SGCZ: variants seen among roughly 807,000 people sequenced by gnomAD.
SGCZ encodes zeta-sarcoglycan.
Under a neutral mutation model 41.3 loss-of-function variants are expected in SGCZ, and 40 were observed. The observed-to-expected ratio is 0.97, with a 90% confidence interval of 0.75 to 1.26. The LOEUF (loss-of-function observed/expected upper bound fraction) is 1.26, where lower values mean the gene tolerates loss of function less well. Among genes scored for constraint, SGCZ ranks in the 50% most tolerant of loss-of-function variants. SGCZ has a pLI of 0.00. For missense variants in SGCZ, 552 were observed against 369.8 expected, an observed-to-expected ratio of 1.49 and a Z score of -4.04; for synonymous variants, 206 against 137.5, an observed-to-expected ratio of 1.50 and a Z score of -3.49.
At chr8:15,071,130 A>G (rs958950492) in intron 1 of SGCZ, among the ~76,000 whole-genome samples, 1 of 152,194 alleles carries the variant, frequency 6.6e-6, no homozygotes, top group Non-Finnish European at 1.5e-5. Context: ...ATAATAACTT[A>G]AAGTTCCCTA....
intron 1 of SGCZ, among the ~76,000 whole-genome samples, chr8:14,969,758 A>C (rs1801232632): frequency 6.6e-6 from 1 of 152,026 alleles, no homozygotes; most frequent in Non-Finnish European, 1.5e-5. Flanking sequence ...CCATTGTATG[A>C]TGCAACACTT....
At chr8:14,356,412 T>C (rs17119179) in intron 2 of SGCZ, among the ~76,000 whole-genome samples, 3,984 of 152,096 alleles carry the variant, frequency 0.026, 142 homozygotes, top group African/African-American at 0.09. Context: ...AGAGAAAAAC[T>C]ACAGAGAAAA....
At chr8:14,972,916 A>G (rs1236418651) in intron 1 of SGCZ, among the ~76,000 whole-genome samples, 1 of 152,212 alleles carries the variant, frequency 6.6e-6, no homozygotes, top group Non-Finnish European at 1.5e-5. Flanking sequence ...ATTTATTTAC[A>G]CTTATCATTT....
At chr8:15,125,749 T>C (rs1036276196) in intron 1 of SGCZ, among the ~76,000 whole-genome samples, 3 of 152,224 alleles carry the variant, frequency 2.0e-5, no homozygotes, top group African/African-American at 7.2e-5. Flanking sequence ...GTCTACAGTA[T>C]GTATACCATA....
intron 3 of SGCZ, among the ~76,000 whole-genome samples, chr8:14,239,901 C>CAAAAAAAAAAAAAA (rs71209029): frequency 2.4e-5 from 1 of 41,376 alleles, no homozygotes; most frequent in African/African-American, 2.3e-4. Context: ...GACTCCGTCT[C>CAAAAAAAAAAAAAA]AAAAAAAAAA....
At chr8:14,323,986 T>C (rs1802011136) in intron 3 of SGCZ, 117 bp downstream of exon 3, 4 of 628,852 alleles carry the variant, frequency 6.4e-6, no homozygotes, top group East Asian at 2.9e-5. Context: ...CATAGGTGTT[T>C]AGCTTAAGGA....
chr8:14,392,887 TTAAAA>T (rs975161262), intron 2 of SGCZ, among the ~76,000 whole-genome samples: 3 of 152,188 alleles, frequency 2.0e-5, no homozygotes, highest in African/African-American at 7.2e-5. Context: ...TAATAAAATA[TTAAAA>T]TAAAGTTAGA....
Position 14,549,157 on chromosome 8 carries a change from G to T in SGCZ, c.234+5575C>A, listed in dbSNP as rs150104085. Among the ~76,000 whole-genome samples, 1,020 of 152,042 alleles carry T rather than the reference G, an allele frequency of 6.7e-3. 14 individuals are homozygous for T. The highest frequency in any genetic ancestry group is 0.023 in the African/African-American group (968 of 41,492). ...CTTTAAGTAAAATTCAAGTTTGTGT[G>T]TGTGTGTGTGTCTAAAAAAGAAAAG... On this transcript the variant is annotated intron_variant, in intron 2 of 7. Transcript: ENST00000382080.
At chr8:14,577,777 T>C (rs939104180) in intron 1 of SGCZ, among the ~76,000 whole-genome samples, 1 of 152,230 alleles carries the variant, frequency 6.6e-6, no homozygotes, top group Admixed American at 6.5e-5. Context: ...TATCTGAATT[T>C]CGTGCATCCA....
chr8:14,626,872 G>A (rs776747907), intron 1 of SGCZ, among the ~76,000 whole-genome samples: 1 of 152,118 alleles, frequency 6.6e-6, no homozygotes, highest in African/African-American at 2.4e-5. Flanking sequence ...GTGGTACTTT[G>A]TGATGGTAGC....
In SGCZ at chr8:14,457,774, G is replaced by A. The variant is rs191941713; in HGVS notation, c.234+96958C>T. On this transcript the variant is annotated intron_variant, in intron 2 of 7. Transcript: ENST00000382080. ...TGTCCAGTGGACACGTGACCCACGT[G>A]ACCTTACCTATAATTGGAGGTGACT... Among the ~76,000 whole-genome samples the A allele has an allele frequency of 5.1e-3, 775 of 152,280 alleles. 6 individuals are homozygous for A. The highest frequency in any genetic ancestry group is 0.018 in the African/African-American group (746 of 41,568).
chr8:15,022,242 G>C (rs1233758766), intron 1 of SGCZ, among the ~76,000 whole-genome samples: 5 of 152,050 alleles, frequency 3.3e-5, no homozygotes, highest in African/African-American at 1.2e-4. Context: ...CAGTGAGGTA[G>C]GTGAATATTT....
intron 1 of SGCZ, among the ~76,000 whole-genome samples, chr8:14,902,485 A>C (rs1437115709): frequency 6.6e-6 from 1 of 152,142 alleles, no homozygotes; most frequent in Non-Finnish European, 1.5e-5. Context: ...ATCAGAAACT[A>C]TGTGTTTAGG....
rs776404314 is a variant in SGCZ, at chr8:14,341,431, C to T, written c.235-17227G>A. Among the ~76,000 whole-genome samples, 72 of 152,084 alleles carry T rather than the reference C, an allele frequency of 4.7e-4. 1 individual carries two copies. Among genetic ancestry groups the T allele is most frequent in the Non-Finnish European group, 2.1e-4 (14 of 68,032 alleles). ...CAATTCCTCCACATCATCACTAACA[C>T]TTGTTACCTTTTGTTTGTTTTTTTA... On this transcript the variant is annotated intron_variant, in intron 2 of 7. Coordinates refer to ENST00000382080, the MANE Select transcript of SGCZ (RefSeq NM_139167.4).
intron 2 of SGCZ, among the ~76,000 whole-genome samples, chr8:14,535,407 T>C (rs1441425604): frequency 6.6e-6 from 1 of 151,780 alleles, no homozygotes; most frequent in Non-Finnish European, 1.5e-5. Flanking sequence ...CAATGGGCCA[T>C]AATAAGAAAA....
chr8:14,335,523 T>C (rs1171685096), intron 2 of SGCZ, among the ~76,000 whole-genome samples: 2 of 152,160 alleles, frequency 1.3e-5, no homozygotes, highest in African/African-American at 4.8e-5. Context: ...TTATACCTTA[T>C]TATACTTCCA....
intron 1 of SGCZ, among the ~76,000 whole-genome samples, chr8:14,577,280 T>A (rs1309964450): frequency 6.6e-6 from 1 of 152,080 alleles, no homozygotes; most frequent in Non-Finnish European, 1.5e-5. Context: ...TACAAGTATG[T>A]CATAAATATT....
At chr8:14,855,523 G>C (rs575786012) in intron 1 of SGCZ, among the ~76,000 whole-genome samples, 17 of 152,230 alleles carry the variant, frequency 1.1e-4, no homozygotes, top group African/African-American at 3.9e-4. Context: ...CTTAAAATCT[G>C]CCTTGACTAG....
At chr8:14,617,425 A>G (rs1806141408) in intron 1 of SGCZ, among the ~76,000 whole-genome samples, 1 of 152,092 alleles carries the variant, frequency 6.6e-6, no homozygotes, top group African/African-American at 2.4e-5. Flanking sequence ...ATTTATCTGT[A>G]CTTTTATTAT....
Sources: gnomAD v4.1 joint callset for allele counts (sites outside exome capture counted in the v4.1 genomes callset) on GRCh38, gnomAD v4.1.1 for gene constraint, MANE v1.5 for transcripts, NCBI Gene and HGNC (gene_info 2026-07-23, HGNC 2026-07-21) for gene names.